CNOT3: variants seen among roughly 807,000 people sequenced by gnomAD.
CNOT3 encodes CCR4-NOT transcription complex subunit 3.
In CNOT3, 2 loss-of-function variants were observed where a neutral mutation model predicts 89.4. That is an observed-to-expected ratio of 0.02 (90% CI 0.01 to 0.07). CNOT3 has a LOEUF of 0.07. Among genes scored for constraint, CNOT3 ranks in the 10% least tolerant of loss-of-function variants. CNOT3 has a pLI of 1.00. For missense variants in CNOT3, 664 were observed against 1,010.2 expected (o/e 0.66, Z 4.65); for synonymous variants, 486 against 402.0 (o/e 1.21, Z -2.50).
intron 13 of CNOT3, 73 bp from the exon 14 acceptor site, chr19:54,152,153 C>T: frequency 6.5e-7 from 1 of 1,534,140 alleles, no homozygotes; most frequent in South Asian, 1.1e-5. Context: ...GTGAGAGCAT[C>T]TGGGGCCTGT....
intron 17 of CNOT3, chr19:54,154,252 G>A (rs1433756949): frequency 5.3e-6 from 2 of 374,988 alleles, no homozygotes; most frequent in Non-Finnish European, 5.2e-6. Flanking sequence ...CAGCAGGGCA[G>A]GGGCTCAGTG....
chr19:54,155,571 T>A lies in CNOT3; in HGVS notation c.*164T>A. On this transcript the variant is annotated 3_prime_UTR_variant, in exon 18 of 18. Coordinates refer to ENST00000221232, the MANE Select transcript of CNOT3 (RefSeq NM_014516.4). ...GGAGGTTTTCCTCTCAGCCCCACCCTGGGGGCCCGGGGGCGAGGGCTGCCC... is the reference window on the plus strand; with the variant it reads ...GGAGGTTTTCCTCTCAGCCCCACCCAGGGGGCCCGGGGGCGAGGGCTGCCC... 1.0e-6 allele frequency: 1 copy of A among 982,556 alleles called. No homozygotes were observed. Among genetic ancestry groups the A allele is most frequent in the South Asian group, 1.7e-5 (1 of 59,614 alleles). The allele number at this position is 982,556 out of a possible 1,614,324, so 60.9% of individuals were successfully genotyped here.
In CNOT3 at chr19:54,144,213, T is replaced by G. The variant is rs1408562292; in HGVS notation, c.388-24T>G. 1.2e-6 allele frequency: 2 copies of G among 1,613,742 alleles called. No homozygotes were observed. The highest frequency in any genetic ancestry group is 2.2e-5 in the East Asian group (1 of 44,874). ...GTAGGCGGAACCCTAGCTGATGGGC[T>G]TCCTCTTCCTCTCCCTCCCCTAGAA... On this transcript the variant is annotated intron_variant, in intron 6 of 17. Coordinates refer to ENST00000221232, the MANE Select transcript of CNOT3 (RefSeq NM_014516.4). The surrounding 1 kb of genome is among the most constrained non-coding windows in gnomAD (Gnocchi z 4.8).
At chr19:54,153,065 T>A in intron 16 of CNOT3, 66 bp downstream of exon 16, 2 of 1,538,102 alleles carry the variant, frequency 1.3e-6, no homozygotes, top group Non-Finnish European at 1.8e-6. Flanking sequence ...CCGTCCCCCC[T>A]CGGGCTGGAG....
intron 13 of CNOT3, 21 bp downstream of exon 13, chr19:54,149,779 C>G: frequency 6.3e-7 from 1 of 1,579,922 alleles, no homozygotes; most frequent in Non-Finnish European, 8.6e-7. Context: ...CGGACATCCC[C>G]CGAGCCTCTG....
Position 54,152,294 on chromosome 19 carries a change from C to T in CNOT3, c.1674C>T (p.Asp558=), listed in dbSNP as rs200050236. Residue 558 remains aspartate, a synonymous_variant, in exon 14 of 18, where the codon GAC becomes GAT. Transcript: ENST00000221232. The part of the protein sequence containing the change: ...ERAAISSGIE[D]PVPTLHLTER... ...CAGCCATCAGCTCTGGCATTGAGGA[C>T]CCTGTGCCAACGCTGCACCTGACCG... 156 of 1,614,192 alleles carry T rather than the reference C, an allele frequency of 9.7e-5. 2 individuals are homozygous for T. In the East Asian group the frequency reaches 3.5e-3, roughly 36 times the overall value.
chr19:54,155,575 G>A lies in CNOT3; in HGVS notation c.*168G>A. ...GTTTTCCTCTCAGCCCCACCCTGGG[G>A]GCCCGGGGGCGAGGGCTGCCCCCTC... On this transcript the variant is annotated 3_prime_UTR_variant, in exon 18 of 18. Transcript: ENST00000221232. 1.0e-6 allele frequency: 1 copy of A among 992,568 alleles called. No homozygotes were observed. Among genetic ancestry groups the A allele is most frequent in the Non-Finnish European group, 1.5e-6 (1 of 683,054 alleles). The allele number at this position is 992,568 out of a possible 1,614,324, so 61.5% of individuals were successfully genotyped here.
At chr19:54,143,400 A>G in intron 3 of CNOT3, 42 bp from the exon 4 acceptor site, 1 of 1,581,014 alleles carries the variant, frequency 6.3e-7, no homozygotes, top group Non-Finnish European at 8.7e-7. Context: ...GTACTGGGAC[A>G]TCCCCTCCCA....
rs1397723412 is a variant in CNOT3, at chr19:54,144,122, C to T, written c.375C>T (p.Gly125=). Reference sequence around the variant, plus strand: ...CCCAGAAGGAGAAGGAAGAGGTTGGCCAGTGGCTCACGGTGAGTTGGGGTA... The same window carrying T: ...CCCAGAAGGAGAAGGAAGAGGTTGGTCAGTGGCTCACGGTGAGTTGGGGTA... ...DPAQKEKEEV[G]QWLTNTIDTL... The change falls in exon 6 of 18, where the codon GGC becomes GGT. Residue 125 remains glycine, a synonymous_variant. Coordinates refer to ENST00000221232, the MANE Select transcript of CNOT3 (RefSeq NM_014516.4). The surrounding 1 kb of genome is among the most constrained non-coding windows in gnomAD (Gnocchi z 4.8). 1.9e-6 allele frequency: 3 copies of T among 1,606,108 alleles called. No individual in the cohort carries two copies. The highest frequency in any genetic ancestry group is 1.7e-5 in the Admixed American group (1 of 58,558).
Position 54,151,280 on chromosome 19 carries a change from C to A in CNOT3, c.1606-946C>A, listed in dbSNP as rs587707012. Reference sequence around the variant, plus strand: ...GAGTAGAGAAGGAACAACATGACTTCATTGGAAAGGTCCCCTGGGGCTGGT... The same window carrying A: ...GAGTAGAGAAGGAACAACATGACTTAATTGGAAAGGTCCCCTGGGGCTGGT... On this transcript the variant is annotated intron_variant, in intron 13 of 17. Coordinates refer to ENST00000221232, the MANE Select transcript of CNOT3 (RefSeq NM_014516.4). Among the ~76,000 whole-genome samples, 4 of 152,242 alleles carry A rather than the reference C, an allele frequency of 2.6e-5. No individual in the cohort carries two copies. The East Asian group carries it at 7.7e-4, about 29-fold the overall frequency.
rs769672981 is a variant in CNOT3, at chr19:54,148,344, A to G, written c.1091A>G (p.Asn364Ser). Residue 364 changes from asparagine to serine, a missense_variant, in exon 11 of 18, where the codon AAC becomes AGC. Transcript: ENST00000221232. This position sits in a 1 kb window ranked among gnomAD's most constrained non-coding sequence, Gnocchi z 6.3. ...GPKASPAPSH[N>S]SGTPAPYAQA... ...AAGGCCAGTCCAGCTCCCAGCCACAACTCGGGCACCCCTGCTCCCTATGCC... is the reference window on the plus strand; with the variant it reads ...AAGGCCAGTCCAGCTCCCAGCCACAGCTCGGGCACCCCTGCTCCCTATGCC... The G allele has an allele frequency of 1.8e-5, 29 of 1,590,070 alleles. No individual in the cohort carries two copies. The South Asian group carries it at 3.0e-4, about 16-fold the overall frequency.
intron 16 of CNOT3, chr19:54,153,242 C>T (rs1278885230): frequency 1.3e-6 from 1 of 763,296 alleles, no homozygotes; most frequent in East Asian, 2.4e-5. Context: ...CACACCTCAG[C>T]CCCGCTTCCA....
At position 54,145,971 on chromosome 19, in the gene CNOT3, C is replaced by T. The variant is rs758067096; in HGVS notation, c.765C>T (p.Asn255=). The change falls in exon 9 of 18, where the codon AAC becomes AAT. Residue 255 remains asparagine, a synonymous_variant. Coordinates refer to ENST00000221232, the MANE Select transcript of CNOT3 (RefSeq NM_014516.4). The surrounding 1 kb of genome is among the most constrained non-coding windows in gnomAD (Gnocchi z 5.9). ...SHSHMEDEIF[N]QSSSTPTSTT... is the part of the protein sequence containing the mutation. ...GCCACATGGAGGATGAGATCTTCAA[C>T]CAGTCCAGCAGCACGCCCACCTCAA... The T allele has an allele frequency of 2.3e-5, 37 of 1,613,876 alleles. No individual in the cohort carries two copies. The highest frequency in any genetic ancestry group is 2.8e-5 in the Non-Finnish European group (33 of 1,179,972).
intron 13 of CNOT3, 89 bp downstream of exon 13, chr19:54,149,847 C>A: frequency 8.0e-7 from 1 of 1,251,926 alleles, no homozygotes; most frequent in Non-Finnish European, 1.1e-6. Flanking sequence ...TTGCCCCCAC[C>A]CTCTTTCTGG....
At position 54,155,055 on chromosome 19, in the gene CNOT3, G is replaced by T. The variant is rs533902008; in HGVS notation, c.2164-254G>T. ...GGCTGTGCACTCACACCTGGGGCTG[G>T]GGCCCCGTTCTGGCAGCTGGCTTCG... is the stretch of plus-strand genomic sequence containing the variant. On this transcript the variant is annotated intron_variant, in intron 17 of 17. Transcript: ENST00000221232. 7.3e-6 allele frequency: 4 copies of T among 547,224 alleles called. No individual in the cohort carries two copies. In the South Asian group the frequency reaches 8.9e-5, roughly 12 times the overall value. The allele number at this position is 547,224 out of a possible 1,614,324, so 33.9% of individuals were successfully genotyped here. A position where few individuals can be genotyped will look rare whatever the true frequency, so the allele number is the denominator to read the frequency against.
At chr19:54,147,221 G>A (rs1179302358) in intron 10 of CNOT3, among the ~76,000 whole-genome samples, 1 of 152,240 alleles carries the variant, frequency 6.6e-6, no homozygotes, top group Non-Finnish European at 1.5e-5. Context: ...TCCCAGGACA[G>A]GAGCACGCTT....
At chr19:54,155,225 G>A in intron 17 of CNOT3, 84 bp from the exon 18 acceptor site, 3 of 1,559,400 alleles carry the variant, frequency 1.9e-6, no homozygotes, top group Non-Finnish European at 2.6e-6. Flanking sequence ...ACAGCCCTAA[G>A]AATTGTCCCC....
Position 54,149,689 on chromosome 19 carries a change from C to T in CNOT3, c.1536C>T (p.Phe512=), listed in dbSNP as rs587647471. Residue 512 remains phenylalanine, a synonymous_variant, in exon 13 of 18, where the codon TTC becomes TTT. Coordinates refer to ENST00000221232, the MANE Select transcript of CNOT3 (RefSeq NM_014516.4). The part of the protein sequence containing the change: ...VNPPSSPTPS[F]SDAKAAGALL... The stretch of plus-strand genomic sequence containing the variant: ...CTCCCAGCTCCCCAACGCCCAGCTT[C>T]AGTGATGCCAAGGCAGCCGGTGCCC... The T allele has an allele frequency of 7.1e-5, 114 of 1,614,110 alleles. 1 individual carries two copies. In the South Asian group the frequency reaches 1.2e-3, roughly 16 times the overall value.
intron 14 of CNOT3, 43 bp downstream of exon 14, chr19:54,152,368 A>C: frequency 6.2e-7 from 1 of 1,614,004 alleles, no homozygotes. Context: ...GCCAAAGAGG[A>C]GGGGCTGCCC....
Sources: allele counts gnomAD v4.1 joint callset (sites outside exome capture counted in the v4.1 genomes callset), GRCh38; gene constraint gnomAD v4.1.1; non-coding constraint Gnocchi (gnomAD v3.1); transcripts MANE v1.5; gene names NCBI Gene and HGNC (gene_info 2026-07-23, HGNC 2026-07-21).